The following PARD6G variants were observed in gnomAD, a reference collection of about 807,000 sequenced individuals.
The protein encoded by PARD6G is par-6 family cell polarity regulator gamma.
In PARD6G, 7 loss-of-function variants were observed where a neutral mutation model predicts 10.7. The observed-to-expected ratio is 0.66, with a 90% CI of 0.37 to 1.23. The LOEUF (loss-of-function observed/expected upper bound fraction) is 1.23. PARD6G is among the 50% of genes most tolerant of loss of function. The pLI is 0.02. For missense variants in PARD6G, 548 were observed against 571.8 expected, an observed-to-expected ratio of 0.96 and a Z score of 0.42; for synonymous variants, 287 against 269.4, an observed-to-expected ratio of 1.07 and a Z score of -0.64.
intron 2 of PARD6G, among the ~76,000 whole-genome samples, chr18:80,163,349 G>T (rs2052713514): frequency 6.6e-6 from 1 of 152,170 alleles, no homozygotes; most frequent in African/African-American, 2.4e-5. Context: ...AAACAGCCTG[G>T]CCGCCTGTCC....
At chr18:80,204,950 T>TTAATAATAA (rs570635258) in intron 1 of PARD6G, among the ~76,000 whole-genome samples, 1 of 151,740 alleles carries the variant, frequency 6.6e-6, no homozygotes, top group African/African-American at 2.4e-5. Flanking sequence ...AGACTCAGTC[T>TTAATAATAA]TAATAATAAT....
rs753927214 is a variant in PARD6G at position 80,159,752 on chromosome 18, T to G, written c.*19A>C. On this transcript the variant is annotated 3_prime_UTR_variant, in exon 3 of 3. Coordinates refer to ENST00000353265, the MANE Select transcript of PARD6G (RefSeq NM_032510.4). The stretch of plus-strand genomic sequence containing the variant: ...CTTACCGGGGAACTGGAGCTAGGAT[T>G]TGGGGGCCTCTCGGGAGTCTAGAGC... 2.9e-6 allele frequency: 4 copies of G among 1,384,270 alleles called. No individual in the cohort carries two copies. The highest frequency in any genetic ancestry group is 3.7e-6 in the Non-Finnish European group (4 of 1,069,502). The allele number at this position is 1,384,270 out of a possible 1,614,324, so 85.7% of individuals were successfully genotyped here.
Position 80,188,867 on chromosome 18 carries a change from C to T in PARD6G, c.295+13843G>A, listed in dbSNP as rs2145270028. On this transcript the variant is annotated intron_variant, in intron 2 of 2. Transcript: ENST00000353265. The surrounding 1 kb of genome is among the most constrained non-coding windows in gnomAD (Gnocchi z 5.4). ...GCGGGTGCAATCCCTACCGTTTCCC[C>T]ACGTTCGTGAGGGAGGTGTGGACTT... Among the ~76,000 whole-genome samples the T allele has an allele frequency of 6.6e-6, 1 of 152,314 alleles. No individual in the cohort carries two copies. Among genetic ancestry groups the T allele is most frequent in the African/African-American group, 2.4e-5 (1 of 41,576 alleles).
chr18:80,240,128 A>T (rs986489037), intron 1 of PARD6G, among the ~76,000 whole-genome samples: 2 of 152,198 alleles, frequency 1.3e-5, no homozygotes, highest in Non-Finnish European at 2.9e-5. Flanking sequence ...CACCTCCATG[A>T]CCCAAACACT....
intron 2 of PARD6G, 104 bp from the exon 3 acceptor site, chr18:80,160,710 C>T (rs2145239120): frequency 7.1e-7 from 1 of 1,410,284 alleles, no homozygotes; most frequent in Non-Finnish European, 9.2e-7. Flanking sequence ...GACGCCGAAG[C>T]ACCCAGGGTG....
At chr18:80,212,713 A>G (rs907837022) in intron 1 of PARD6G, among the ~76,000 whole-genome samples, 6 of 152,060 alleles carry the variant, frequency 3.9e-5, no homozygotes, top group African/African-American at 1.2e-4. Context: ...GTGAAACCCC[A>G]TCTCTACTAA....
chr18:80,166,031 T>C (rs971838237), intron 2 of PARD6G, among the ~76,000 whole-genome samples: 3 of 152,046 alleles, frequency 2.0e-5, no homozygotes, highest in Admixed American at 1.3e-4. Context: ...TGAGCTGAGA[T>C]CGTGCCATTG....
intron 1 of PARD6G, among the ~76,000 whole-genome samples, chr18:80,211,656 C>T (rs1226632473): frequency 1.3e-5 from 2 of 152,124 alleles, no homozygotes; most frequent in African/African-American, 4.8e-5. Flanking sequence ...ATGTAAAAAC[C>T]TAAGTATCCA....
At chr18:80,194,053 G>C (rs964943028) in intron 2 of PARD6G, among the ~76,000 whole-genome samples, 3 of 152,170 alleles carry the variant, frequency 2.0e-5, no homozygotes, top group African/African-American at 7.2e-5. Context: ...TCCAAATCTT[G>C]CTTACGTTTC....
Position 80,231,105 on chromosome 18 carries a change from G to A in PARD6G, c.72+16172C>T, listed in dbSNP as rs920699795. 1.3e-5 allele frequency among the ~76,000 whole-genome samples: 2 copies of A among 152,254 alleles called. No homozygotes were observed. The highest frequency in any genetic ancestry group is 4.8e-5 in the African/African-American group (2 of 41,478). On this transcript the variant is annotated intron_variant, in intron 1 of 2. Coordinates refer to ENST00000353265, the MANE Select transcript of PARD6G (RefSeq NM_032510.4). The surrounding 1 kb of genome is among the most constrained non-coding windows in gnomAD (Gnocchi z 4.2). ...AGGAACACCCCAGGTGGGAGGGGAT[G>A]CCCCTCATGGAGGGAATGGACAAGG...
At chr18:80,206,435 C>T (rs577601382) in intron 1 of PARD6G, among the ~76,000 whole-genome samples, 32 of 152,262 alleles carry the variant, frequency 2.1e-4, no homozygotes, top group African/African-American at 7.5e-4. Context: ...TTGGTAAAGT[C>T]CTTCCAGTAT....
rs745649136 is a variant in PARD6G at position 80,160,353 on chromosome 18, G to T, written c.549C>A (p.Thr183=). The change falls in exon 3 of 3, where the codon ACC becomes ACA. Residue 183 remains threonine, a synonymous_variant. Transcript: ENST00000353265. ...YIRDGASVRV[T]PHGLEKVPGI... The stretch of plus-strand genomic sequence containing the variant: ...CGGGCACCTTCTCCAGCCCGTGCGG[G>T]GTCACGCGCACGCTGGCGCCATCGC... The T allele has an allele frequency of 6.2e-7, 1 of 1,611,498 alleles. No individual in the cohort carries two copies. Among genetic ancestry groups the T allele is most frequent in the Non-Finnish European group, 8.5e-7 (1 of 1,179,716 alleles).
At chr18:80,244,044 G>C (rs545932011) in intron 1 of PARD6G, among the ~76,000 whole-genome samples, 1 of 152,252 alleles carries the variant, frequency 6.6e-6, no homozygotes, top group South Asian at 2.1e-4. Context: ...GTGGCACCGT[G>C]TTGCTTGCTG....
chr18:80,245,296 A>G (rs1967531780), intron 1 of PARD6G, among the ~76,000 whole-genome samples: 1 of 152,090 alleles, frequency 6.6e-6, no homozygotes, highest in South Asian at 2.1e-4. Flanking sequence ...GGAGGCAGCC[A>G]CCCTCTGCAG....
intron 1 of PARD6G, among the ~76,000 whole-genome samples, chr18:80,215,939 T>A (rs1259322283): frequency 6.6e-6 from 1 of 152,004 alleles, no homozygotes; most frequent in African/African-American, 2.4e-5. Flanking sequence ...TGGAAATAAA[T>A]ATACCATGCA....
chr18:80,244,968 G>GC (rs1265691694), intron 1 of PARD6G, among the ~76,000 whole-genome samples: 1 of 152,146 alleles, frequency 6.6e-6, no homozygotes. Flanking sequence ...GGGCACAACA[G>GC]CAAGTCCAGT....
At position 80,201,396 on chromosome 18, in the gene PARD6G, G is replaced by A. The variant is rs993082264; in HGVS notation, c.295+1314C>T. ...CATACAGAGGACCGAGGTGTGGCAC[G>A]CTGGAGGCTGTGCAGAGCCATGCAG... On this transcript the variant is annotated intron_variant, in intron 2 of 2. Coordinates refer to ENST00000353265, the MANE Select transcript of PARD6G (RefSeq NM_032510.4). The surrounding 1 kb of genome is among the most constrained non-coding windows in gnomAD (Gnocchi z 5.9). Among the ~76,000 whole-genome samples, 2 of 152,192 alleles carry A rather than the reference G, an allele frequency of 1.3e-5. No individual in the cohort carries two copies. The highest frequency in any genetic ancestry group is 1.5e-5 in the Non-Finnish European group (1 of 68,022).
chr18:80,225,978 A>G (rs529341974), intron 1 of PARD6G, among the ~76,000 whole-genome samples: 1 of 152,240 alleles, frequency 6.6e-6, no homozygotes, highest in Non-Finnish European at 1.5e-5. Context: ...GTAGGAAGAC[A>G]TTCTTCCAGG....
chr18:80,222,099 T>C (rs1308165673), intron 1 of PARD6G, among the ~76,000 whole-genome samples: 1 of 152,172 alleles, frequency 6.6e-6, no homozygotes, highest in African/African-American at 2.4e-5. Flanking sequence ...TTTTCTTTTT[T>C]TTTTAAATGA....
Sources: allele counts gnomAD v4.1 joint callset (sites outside exome capture counted in the v4.1 genomes callset), GRCh38; gene constraint gnomAD v4.1.1; non-coding constraint Gnocchi (gnomAD v3.1); transcripts MANE v1.5; gene names NCBI Gene and HGNC (gene_info 2026-07-23, HGNC 2026-07-21).